The following YEATS4 variants were observed in gnomAD, a reference collection of about 807,000 sequenced individuals.
YEATS4 encodes the protein YEATS domain-containing protein 4.
In YEATS4, 17 loss-of-function variants were observed where a neutral mutation model predicts 30.1. The ratio of observed to expected loss-of-function variants is 0.56; its 90% CI spans 0.39 to 0.85. The LOEUF is 0.85. Among genes scored for constraint, YEATS4 ranks in the 40% least tolerant of loss-of-function variants. The pLI is 0.00. For missense variants in YEATS4, 142 were observed against 268.3 expected, an observed-to-expected ratio of 0.53 and a Z score of 3.29; for synonymous variants, 85 against 87.5, an observed-to-expected ratio of 0.97 and a Z score of 0.16.
intron 6 of YEATS4, among the ~76,000 whole-genome samples, chr12:69,385,042 C>T (rs775367273): frequency 1.4e-4 from 22 of 152,228 alleles, no homozygotes; most frequent in Non-Finnish European, 2.6e-4. Context: ...GACAGGTTCT[C>T]GCTCTGTCAC....
chr12:69,365,610 C>T (rs1190154845), intron 2 of YEATS4, 23 bp from the exon 3 acceptor site: 2 of 1,549,078 alleles, frequency 1.3e-6, no homozygotes, highest in Admixed American at 1.7e-5. Flanking sequence ...GATCATAAAA[C>T]TAACTAATTC....
At chr12:69,402,725 C>CTTTTTT in the YEATS4 span, among the ~76,000 whole-genome samples, 36 of 113,066 alleles carry the variant, frequency 3.2e-4, no homozygotes, top group Middle Eastern at 5.2e-3. Context: ...TCTTTCTTTT[C>CTTTTTT]TTTTTTTTTT....
Position 69,370,712 on chromosome 12 carries a change from C to A in YEATS4, c.340C>A (p.Leu114Met), listed in dbSNP as rs1183182904. ...ATCTGTTTCTATTTCACAGGTAACCCTGTATCATTTGCTAAAGCTGTTTCA... is the reference window on the plus strand; with the variant it reads ...ATCTGTTTCTATTTCACAGGTAACCATGTATCATTTGCTAAAGCTGTTTCA... Reference protein sequence around the residue: ...FIDPNERPVTLYHLLKLFQSD... With the variant: ...FIDPNERPVTMYHLLKLFQSD... Residue 114 changes from leucine (L) to methionine (M), a missense_variant, in exon 5 of 7, where the codon CTG (leucine) becomes ATG (methionine). Physicochemically the swap from Leu to Met is conservative, Grantham distance 15 (BLOSUM62 2). Transcript: ENST00000247843. 2.6e-6 allele frequency: 4 copies of A among 1,565,816 alleles called. No homozygotes were observed. The African/African-American group carries it at 5.5e-5, about 22-fold the overall frequency.
At chr12:69,383,529 G>A (rs1427299660) in intron 6 of YEATS4, among the ~76,000 whole-genome samples, 2 of 152,186 alleles carry the variant, frequency 1.3e-5, no homozygotes, top group Admixed American at 6.5e-5. Context: ...CCAGCAAAGG[G>A]AATGAAGAAC....
At chr12:69,361,966 G>T (rs1357443156) in intron 1 of YEATS4, among the ~76,000 whole-genome samples, 1 of 150,318 alleles carries the variant, frequency 6.7e-6, no homozygotes, top group African/African-American at 2.5e-5. Context: ...TTTTTTAAAA[G>T]CCTCTTTCTA....
chr12:69,411,763 C>A, the YEATS4 span, among the ~76,000 whole-genome samples: 1 of 152,224 alleles, frequency 6.6e-6, no homozygotes, highest in East Asian at 1.9e-4. Flanking sequence ...GAATAATGGT[C>A]CAGGCAGAAG....
chr12:69,368,490 A>G (rs947969417), intron 4 of YEATS4, among the ~76,000 whole-genome samples: 9 of 152,240 alleles, frequency 5.9e-5, no homozygotes, highest in Non-Finnish European at 1.2e-4. Flanking sequence ...TTAGGGAAGG[A>G]CAGTTTTACA....
At chr12:69,365,960 A>G (rs1400535061) in intron 4 of YEATS4, 76 bp downstream of exon 4, 16 of 1,106,756 alleles carry the variant, frequency 1.4e-5, no homozygotes, top group Non-Finnish European at 2.1e-5. Flanking sequence ...CTTAATGAAT[A>G]GTGTTCATTC....
chr12:69,394,614 A>T (rs371438852), downstream of YEATS4, among the ~76,000 whole-genome samples: 38 of 140,190 alleles, frequency 2.7e-4, no homozygotes, highest in African/African-American at 1.1e-3. Flanking sequence ...AGATGGAGAT[A>T]GTGTGTTTGT....
the YEATS4 span, among the ~76,000 whole-genome samples, chr12:69,416,794 C>T: frequency 6.6e-6 from 1 of 152,114 alleles, no homozygotes; most frequent in Non-Finnish European, 1.5e-5. Flanking sequence ...GTTGGTCAGC[C>T]GGTGGCGGTG....
the YEATS4 span, among the ~76,000 whole-genome samples, chr12:69,407,136 C>A: frequency 2.0e-5 from 3 of 148,724 alleles, no homozygotes; most frequent in Non-Finnish European, 4.5e-5. Flanking sequence ...AACATTTATA[C>A]ATTCTTTTTT....
chr12:69,396,932 G>A, the YEATS4 span, among the ~76,000 whole-genome samples: 1 of 152,062 alleles, frequency 6.6e-6, no homozygotes, highest in Non-Finnish European at 1.5e-5. Context: ...TATAGTTAGG[G>A]GAAAATAAAC....
At chr12:69,372,304 A>G (rs1047280554) in intron 6 of YEATS4, among the ~76,000 whole-genome samples, 64 of 152,330 alleles carry the variant, frequency 4.2e-4, no homozygotes, top group African/African-American at 1.5e-3. Flanking sequence ...TGAGATATCG[A>G]TCACCTCAAG....
intron 6 of YEATS4, among the ~76,000 whole-genome samples, chr12:69,379,488 C>T (rs1875986522): frequency 6.6e-6 from 1 of 151,714 alleles, no homozygotes. Context: ...TCTTGGCTCA[C>T]TGCAACCTCC....
At chr12:69,390,015 ATGT>A (rs1359928220) in intron 6 of YEATS4, 129 bp from the exon 7 acceptor site, 1 of 679,330 alleles carries the variant, frequency 1.5e-6, no homozygotes, top group Admixed American at 3.9e-5. Flanking sequence ...CCCATGTTTA[ATGT>A]TGTAATTCTT....
the YEATS4 span, among the ~76,000 whole-genome samples, chr12:69,404,586 G>A: frequency 6.6e-6 from 1 of 152,164 alleles, no homozygotes; most frequent in Non-Finnish European, 1.5e-5. Context: ...CTGACCAGAT[G>A]GCCAAGCAGA....
At chr12:69,369,317 A>AT in intron 4 of YEATS4, among the ~76,000 whole-genome samples, 1 of 151,798 alleles carries the variant, frequency 6.6e-6, no homozygotes, top group Non-Finnish European at 1.5e-5. Flanking sequence ...TCTTTTTTTC[A>AT]TTTTGCCAAA....
At chr12:69,398,626 A>G in the YEATS4 span, among the ~76,000 whole-genome samples, 1 of 151,854 alleles carries the variant, frequency 6.6e-6, no homozygotes, top group African/African-American at 2.4e-5. Flanking sequence ...CAGCCTGGGC[A>G]ACATGGCAAA....
intron 6 of YEATS4, among the ~76,000 whole-genome samples, chr12:69,387,287 T>G (rs1868262932): frequency 1.3e-5 from 2 of 152,226 alleles, no homozygotes; most frequent in East Asian, 3.8e-4. Context: ...GAAATACTGT[T>G]TTTAACCTTT....
Sources: allele counts gnomAD v4.1 joint callset (sites outside exome capture counted in the v4.1 genomes callset), GRCh38; gene constraint gnomAD v4.1.1; transcripts MANE v1.5; gene names NCBI Gene and HGNC (gene_info 2026-07-23, HGNC 2026-07-21).